ELMO1: variants seen among roughly 807,000 people sequenced by gnomAD.
The protein encoded by ELMO1 is engulfment and cell motility 1, also known as engulfment and cell motility protein 1.
Under a neutral mutation model 98.9 loss-of-function variants are expected in ELMO1, and 26 were observed. That is an observed-to-expected ratio of 0.26 (90% CI 0.19 to 0.36). ELMO1 has a LOEUF of 0.36. Among genes scored for constraint, ELMO1 ranks in the 10% least tolerant of loss-of-function variants. The pLI is 1.00. For synonymous variants in ELMO1, 346 were observed against 346.0 expected (o/e 1.00, Z 0.00); for missense variants, 627 against 935.2 (o/e 0.67, Z 4.30).
intron 15 of ELMO1, among the ~76,000 whole-genome samples, chr7:37,051,455 T>C (rs1159492486): frequency 6.6e-6 from 1 of 152,240 alleles, no homozygotes; most frequent in Non-Finnish European, 1.5e-5. Context: ...ATGAATTATT[T>C]CACTTTCCAA....
chr7:37,106,752 A>G (rs1784966786), intron 14 of ELMO1, among the ~76,000 whole-genome samples: 1 of 152,122 alleles, frequency 6.6e-6, no homozygotes. Context: ...GAACTCCTCT[A>G]CTGCATACTC....
At chr7:37,403,382 TC>T (rs1803612820) in intron 1 of ELMO1, among the ~76,000 whole-genome samples, 1 of 151,356 alleles carries the variant, frequency 6.6e-6, no homozygotes, top group African/African-American at 2.4e-5. Context: ...CACAGTGAAA[TC>T]CCCCCAACTC....
chr7:37,376,763 G>A (rs759779005), intron 1 of ELMO1, among the ~76,000 whole-genome samples: 8 of 152,132 alleles, frequency 5.3e-5, no homozygotes, highest in East Asian at 3.9e-4. Context: ...CCTCCTGCTC[G>A]GCTGCCTTGT....
intron 15 of ELMO1, among the ~76,000 whole-genome samples, chr7:37,092,607 C>G (rs908882144): frequency 4.6e-5 from 7 of 152,022 alleles, no homozygotes; most frequent in Non-Finnish European, 5.9e-5. Flanking sequence ...GATCTCCTGA[C>G]CTTGTGATCA....
At chr7:36,857,102 GTATTATGA>G (rs1163760960) in intron 21 of ELMO1, among the ~76,000 whole-genome samples, 1 of 152,214 alleles carries the variant, frequency 6.6e-6, no homozygotes, top group African/African-American at 2.4e-5. Context: ...CACAATGGGT[GTATTATGA>G]GATCTGTGTT....
chr7:37,102,556 GC>G (rs1263558457), intron 14 of ELMO1, among the ~76,000 whole-genome samples: 1 of 152,228 alleles, frequency 6.6e-6, no homozygotes, highest in African/African-American at 2.4e-5. Context: ...CTTTAGGGAT[GC>G]CATCAAGATG....
intron 1 of ELMO1, among the ~76,000 whole-genome samples, chr7:37,398,014 T>C (rs113949610): frequency 0.096 from 14,568 of 152,046 alleles, 758 homozygotes; most frequent in Middle Eastern, 0.11. Flanking sequence ...GCAGGTGGGA[T>C]ATGGGGAAGG....
intron 1 of ELMO1, among the ~76,000 whole-genome samples, chr7:37,410,080 C>A (rs982098431): frequency 3.3e-5 from 5 of 152,228 alleles, no homozygotes; most frequent in South Asian, 2.1e-4. Flanking sequence ...CAAGTCAGAA[C>A]CCTTAACTAC....
At chr7:37,440,748 G>A (rs1374176945) in intron 1 of ELMO1, among the ~76,000 whole-genome samples, 1 of 146,778 alleles carries the variant, frequency 6.8e-6, no homozygotes, top group Non-Finnish European at 1.5e-5. Flanking sequence ...CAGCCTGGGT[G>A]ACAGAGTGAG....
intron 13 of ELMO1, among the ~76,000 whole-genome samples, chr7:37,152,523 G>A (rs962848336): frequency 3.3e-5 from 5 of 151,156 alleles, no homozygotes; most frequent in African/African-American, 7.3e-5. Context: ...GTGTGATCCC[G>A]TTTTTGTACA....
At chr7:37,418,410 A>T (rs1180176142) in intron 1 of ELMO1, among the ~76,000 whole-genome samples, 1 of 152,182 alleles carries the variant, frequency 6.6e-6, no homozygotes. Context: ...ACAGTACTCC[A>T]AGCAGTTAGC....
rs57183265 is a variant in ELMO1 at position 37,091,668 on chromosome 7, GA to G, written c.1300+4950del. 4.3e-3 allele frequency among the ~76,000 whole-genome samples: 648 copies of G among 152,182 alleles called. 4 individuals carry two copies. Among genetic ancestry groups the G allele is most frequent in the African/African-American group, 0.015 (630 of 41,534 alleles). ...TCTTTTGAAGACTTGCTCCTTTCTT[GA>G]AATAGTCTGTTTTCACGCTGCTGCT... On this transcript the variant is annotated intron_variant, in intron 15 of 21. Transcript: ENST00000310758.
intron 14 of ELMO1, among the ~76,000 whole-genome samples, chr7:37,125,692 G>A (rs139240792): frequency 0.023 from 3,471 of 152,330 alleles, 50 homozygotes; most frequent in Non-Finnish European, 0.03. Context: ...CTTTTACACC[G>A]TTGGTGGGAC....
At chr7:37,432,171 G>A (rs537484658) in intron 1 of ELMO1, among the ~76,000 whole-genome samples, 10 of 152,302 alleles carry the variant, frequency 6.6e-5, no homozygotes, top group East Asian at 1.9e-4. Flanking sequence ...GTGAGCCACC[G>A]CACCTGGCCT....
chr7:36,931,864 T>A (rs190673588), intron 16 of ELMO1, among the ~76,000 whole-genome samples: 1 of 152,236 alleles, frequency 6.6e-6, no homozygotes, highest in African/African-American at 2.4e-5. Flanking sequence ...TTAATAACCA[T>A]CTGTGTGTGT....
intron 13 of ELMO1, among the ~76,000 whole-genome samples, chr7:37,157,885 C>T (rs1276511289): frequency 6.6e-6 from 1 of 152,114 alleles, no homozygotes; most frequent in African/African-American, 2.4e-5. Flanking sequence ...GGAGGCATCA[C>T]ACTACCAGAC....
chr7:37,417,643 G>A (rs899012353), intron 1 of ELMO1, among the ~76,000 whole-genome samples: 1 of 126,148 alleles, frequency 7.9e-6, no homozygotes, highest in East Asian at 2.4e-4. Context: ...CAGCCTGGGA[G>A]ACAGAGTAAG....
At chr7:37,137,999 T>C (rs1787374907) in intron 13 of ELMO1, among the ~76,000 whole-genome samples, 2 of 151,994 alleles carry the variant, frequency 1.3e-5, no homozygotes, top group Non-Finnish European at 2.9e-5. Flanking sequence ...AACAGAGAAA[T>C]CAAGATGGAA....
At chr7:36,897,767 G>C (rs1434600059) in intron 16 of ELMO1, among the ~76,000 whole-genome samples, 2 of 152,180 alleles carry the variant, frequency 1.3e-5, no homozygotes, top group East Asian at 3.8e-4. Flanking sequence ...TCTAGCTTAA[G>C]ACTTTGAACC....
Sources: allele counts gnomAD v4.1 joint callset (sites outside exome capture counted in the v4.1 genomes callset), GRCh38; gene constraint gnomAD v4.1.1; transcripts MANE v1.5; gene names NCBI Gene and HGNC (gene_info 2026-07-23, HGNC 2026-07-21).